PTCHD1: variants seen among roughly 807,000 people sequenced by gnomAD.
The protein encoded by PTCHD1 is patched domain containing 1.
Under a neutral mutation model 34.6 loss-of-function variants are expected in PTCHD1, and 3 were observed. That is an observed-to-expected ratio of 0.09 (90% CI 0.04 to 0.22). PTCHD1 has a LOEUF of 0.22. Among genes scored for constraint, PTCHD1 ranks in the 10% least tolerant of loss-of-function variants. The pLI is 1.00. For synonymous variants in PTCHD1, 305 were observed against 283.1 expected (o/e 1.08, Z -0.77); for missense variants, 504 against 685.5 (o/e 0.74, Z 2.96).
chrX:23,389,087 C>T (rs1922758921), intron 2 of PTCHD1, among the ~76,000 whole-genome samples: 2 of 112,042 alleles, frequency 1.8e-5, no homozygotes, highest in African/African-American at 6.5e-5. Flanking sequence ...ATTCTCTGTC[C>T]CATTCCCCAG....
Position 23,394,409 on chromosome X carries a change from GACACACACACACACACACACACACACAC to G in PTCHD1, c.*239_*266del. 2 of 208,356 alleles carry G rather than the reference GACACACACACACACACACACACACACAC, an allele frequency of 9.6e-6. No individual in the cohort carries two copies. The highest frequency in any genetic ancestry group is 8.5e-6 in the Non-Finnish European group (1 of 117,056). The allele number at this position is 208,356 out of a possible 1,213,427, so 17.2% of individuals were successfully genotyped here. A position where few individuals can be genotyped will look rare whatever the true frequency, so the allele number is the denominator to read the frequency against. On this transcript the variant is annotated 3_prime_UTR_variant, in exon 3 of 3. Transcript: ENST00000379361. ...TGTTATGAGAATTCACACACACATA[GACACACACACACACACACACACACACAC>G]ACACACACACACACCCTGGGAGACC...
At chrX:23,356,423 C>A (rs1921804552) in intron 1 of PTCHD1, among the ~76,000 whole-genome samples, 1 of 111,848 alleles carries the variant, frequency 8.9e-6, no homozygotes, top group Admixed American at 9.5e-5. Flanking sequence ...AAGCTAAGCC[C>A]ATCACTTCTC....
chrX:23,342,291 TATATATATATATATATATA>T (rs1371244499), intron 1 of PTCHD1, among the ~76,000 whole-genome samples: 32 of 6,440 alleles, frequency 5.0e-3, no homozygotes, highest in African/African-American at 0.016. Context: ...TATATATATA[TATATATATATATATATATA>T]TTTTTTTTTT....
Position 23,392,910 on chromosome X carries a change from A to T in PTCHD1, c.1392A>T (p.Arg464Ser). The change falls in exon 3 of 3, where the codon AGA becomes AGT. Residue 464 changes from arginine (R) to serine (S), a missense_variant. By Grantham distance (110) the Arg-to-Ser change is moderately radical. Transcript: ENST00000379361. ...GGTACAGGTTTCTCCTGACGGCCAG[A>T]TTCAGTGAGGACACAGCTGAAGGCG... ...PAWYRFLLTA[R>S]FSEDTAEGEE... 1 of 1,212,412 alleles carries T rather than the reference A, an allele frequency of 8.2e-7. No homozygotes were observed. The highest frequency in any genetic ancestry group is 1.1e-6 in the Non-Finnish European group (1 of 895,672).
At chrX:23,383,961 C>G (rs1304764435) in intron 2 of PTCHD1, among the ~76,000 whole-genome samples, 1 of 112,035 alleles carries the variant, frequency 8.9e-6, no homozygotes, top group Non-Finnish European at 1.9e-5. Flanking sequence ...AGATTTACAC[C>G]ATTATTCTCC....
chrX:23,392,045 T>C (rs1162154542), intron 2 of PTCHD1, among the ~76,000 whole-genome samples: 4 of 102,223 alleles, frequency 3.9e-5, no homozygotes, highest in East Asian at 3.1e-4. Context: ...TTCTTTCTTT[T>C]TTTTTCTTTC....
intron 1 of PTCHD1, among the ~76,000 whole-genome samples, chrX:23,355,016 AT>A (rs781687980): frequency 1.2e-5 from 1 of 84,175 alleles, no homozygotes; most frequent in South Asian, 8.7e-4. Context: ...GCTTTTATTC[AT>A]GTAAGGCTTT....
At chrX:23,380,714 G>T (rs1343094311) in intron 2 of PTCHD1, among the ~76,000 whole-genome samples, 1 of 111,505 alleles carries the variant, frequency 9.0e-6, no homozygotes, top group African/African-American at 3.3e-5. Context: ...ACATTCTGCC[G>T]GTTGCTGTGG....
chrX:23,360,328 C>T (rs1285035410), intron 1 of PTCHD1, among the ~76,000 whole-genome samples: 1 of 111,574 alleles, frequency 9.0e-6, no homozygotes, highest in African/African-American at 3.3e-5. Flanking sequence ...GTTTCAGAGC[C>T]TGTTGTTGGT....
intron 1 of PTCHD1, among the ~76,000 whole-genome samples, chrX:23,370,803 T>G (rs993570502): frequency 1.8e-5 from 2 of 111,713 alleles, no homozygotes; most frequent in Non-Finnish European, 3.8e-5. Context: ...CTTGGGGATG[T>G]GGGTTATATG....
At chrX:23,381,898 GTAT>G (rs1481678556) in intron 2 of PTCHD1, among the ~76,000 whole-genome samples, 2 of 112,026 alleles carry the variant, frequency 1.8e-5, no homozygotes, top group Non-Finnish European at 3.8e-5. Flanking sequence ...GTAGGACTGA[GTAT>G]TAGTAGCTTC....
upstream of PTCHD1, chrX:23,334,792 C>CCGT (rs1921112310): frequency 2.3e-6 from 1 of 437,184 alleles, no homozygotes; most frequent in Non-Finnish European, 2.8e-6. Context: ...GCCGCTGCCG[C>CCGT]CGCCGCCGCC....
chrX:23,379,687 G>A lies in PTCHD1; in HGVS notation c.448G>A (p.Val150Met), dbSNP rs747642714. 7.4e-6 allele frequency: 9 copies of A among 1,209,061 alleles called. No homozygotes were observed. The highest frequency in any genetic ancestry group is 1.8e-5 in the South Asian group (1 of 56,742). The change falls in exon 2 of 3, where the codon GTG becomes ATG. Residue 150 changes from valine (V) to methionine (M), a missense_variant. Physicochemically the swap from Val to Met is conservative, Grantham distance 21 (BLOSUM62 1). Coordinates refer to ENST00000379361, the MANE Select transcript of PTCHD1 (RefSeq NM_173495.3). ...CILNNDKTCI[V>M]DDIVHVLEEL... ...CCTGAATAATGATAAGACTTGCATC[G>A]TGGATGACATAGTGCACGTCCTGGA...
At chrX:23,364,125 A>G (rs745416328) in intron 1 of PTCHD1, among the ~76,000 whole-genome samples, 3 of 111,170 alleles carry the variant, frequency 2.7e-5, no homozygotes, top group Non-Finnish European at 5.7e-5. Flanking sequence ...ACGTGATTCC[A>G]TTTTTAGGAA....
At chrX:23,390,636 G>T (rs1922806203) in intron 2 of PTCHD1, among the ~76,000 whole-genome samples, 1 of 111,896 alleles carries the variant, frequency 8.9e-6, no homozygotes, top group Non-Finnish European at 1.9e-5. Flanking sequence ...GTCTTGACCT[G>T]ACTTCTAAAA....
intron 1 of PTCHD1, among the ~76,000 whole-genome samples, chrX:23,370,632 A>AT (rs1485069588): frequency 9.0e-6 from 1 of 111,610 alleles, no homozygotes; most frequent in Non-Finnish European, 1.9e-5. Flanking sequence ...CTTTCTTCTT[A>AT]TTTTTTCTTT....
At chrX:23,353,636 TCCTA>T (rs1015676805) in intron 1 of PTCHD1, among the ~76,000 whole-genome samples, 7 of 110,370 alleles carry the variant, frequency 6.3e-5, no homozygotes, top group East Asian at 2.8e-4. Flanking sequence ...AGCTAAGAGA[TCCTA>T]CCTAAGATGA....
rs1922998381 is a variant in PTCHD1 at position 23,396,731 on chromosome X, A to AGC, written c.*2546_*2547insGC. The AGC allele has an allele frequency of 8.9e-6, 1 of 112,398 alleles. No homozygotes were observed. The highest frequency in any genetic ancestry group is 3.2e-5 in the African/African-American group (1 of 30,836). 9.3% of individuals were successfully genotyped at this position (112,398 alleles called of 1,213,427 possible). On this transcript the variant is annotated 3_prime_UTR_variant, in exon 3 of 3. Transcript: ENST00000379361. Reference sequence around the variant, plus strand: ...AATGAAGGGCATTTTCAAACTTGTCAACTTCTCTTTTCAGCACTTGAAATG... The same window carrying AGC: ...AATGAAGGGCATTTTCAAACTTGTCAGCACTTCTCTTTTCAGCACTTGAAATG...
In PTCHD1 at chrX:23,400,766, G is replaced by C. The variant is rs1029121721; in HGVS notation, c.*6581G>C. The C allele has an allele frequency of 8.9e-6, 1 of 111,930 alleles. No individual in the cohort carries two copies. Among genetic ancestry groups the C allele is most frequent in the African/African-American group, 3.3e-5 (1 of 30,749 alleles). 9.2% of individuals were successfully genotyped at this position (111,930 alleles called of 1,213,427 possible). On this transcript the variant is annotated 3_prime_UTR_variant, in exon 3 of 3. Coordinates refer to ENST00000379361, the MANE Select transcript of PTCHD1 (RefSeq NM_173495.3). ...CTTCCATCATCTTCTGCCCAGCCAT[G>C]ATAAGGAAAGCCTTCTATTGAGATG...
Sources: allele counts gnomAD v4.1 joint callset (sites outside exome capture counted in the v4.1 genomes callset), GRCh38; gene constraint gnomAD v4.1.1; transcripts MANE v1.5; gene names NCBI Gene and HGNC (gene_info 2026-07-23, HGNC 2026-07-21).